Variants in PIK3CD observed in about 807,000 individuals in gnomAD.
PIK3CD encodes phosphatidylinositol-4,5-bisphosphate 3-kinase catalytic subunit delta.
A neutral mutation model predicts 122.9 loss-of-function variants in PIK3CD; 20 were observed. The observed-to-expected ratio is 0.16, with a 90% confidence interval of 0.11 to 0.24. The LOEUF (loss-of-function observed/expected upper bound fraction) is 0.24. Ranked by LOEUF, PIK3CD falls within the 10% of genes least tolerant of loss-of-function variation. The pLI is 1.00. For missense variants in PIK3CD, 787 were observed against 1,406.3 expected (o/e 0.56, Z 7.04); for synonymous variants, 596 against 593.4 (o/e 1.00, Z -0.06).
chr1:9,662,178 T>A (rs1645029128), intron 1 of PIK3CD: 1 of 152,386 alleles, frequency 6.6e-6, no homozygotes, highest in Non-Finnish European at 1.5e-5. Context: ...TTTTTTTTTT[T>A]TGAGAGACAA....
chr1:9,649,661 A>G (rs1283011307), upstream of PIK3CD, among the ~76,000 whole-genome samples: 3 of 152,274 alleles, frequency 2.0e-5, no homozygotes, highest in South Asian at 2.1e-4. Flanking sequence ...CAAGGGACCA[A>G]TAACAGCTGC....
chr1:9,629,963 C>A, the PIK3CD span, among the ~76,000 whole-genome samples: 3 of 152,186 alleles, frequency 2.0e-5, no homozygotes, highest in Non-Finnish European at 2.9e-5. Context: ...GGGAAGGAAG[C>A]CCGGGGGTCA....
chr1:9,724,564 A>T lies in PIK3CD; in HGVS notation c.2864+143A>T. 4 of 1,098,738 alleles carry T rather than the reference A, an allele frequency of 3.6e-6. No homozygotes were observed. Among genetic ancestry groups the T allele is most frequent in the Non-Finnish European group, 5.4e-6 (4 of 739,020 alleles). The allele number at this position is 1,098,738 out of a possible 1,614,324, so 68.1% of individuals were successfully genotyped here. A position where few individuals can be genotyped will look rare whatever the true frequency, so the allele number is the denominator to read the frequency against. On this transcript the variant is annotated intron_variant, in intron 22 of 23. Coordinates refer to ENST00000377346, the MANE Select transcript of PIK3CD (RefSeq NM_005026.5). This position sits in a 1 kb window ranked among gnomAD's most constrained non-coding sequence, Gnocchi z 7.3. ...CACCCCAACTGTTGATGGGTTTGGA[A>T]CATGCCCCTGCTCCACCCTGCAGTG...
the PIK3CD span, among the ~76,000 whole-genome samples, chr1:9,628,659 C>G: frequency 2.0e-5 from 3 of 152,148 alleles, no homozygotes; most frequent in African/African-American, 7.2e-5. Flanking sequence ...CTTCCTCACA[C>G]GGAGGTGGCC....
intron 1 of PIK3CD, chr1:9,681,226 C>T (rs944193791): frequency 1.3e-5 from 2 of 151,956 alleles, no homozygotes; most frequent in East Asian, 3.9e-4. Flanking sequence ...TGTTTCATAA[C>T]CTAATTTTTT....
chr1:9,635,937 C>G, the PIK3CD span, among the ~76,000 whole-genome samples: 2 of 152,220 alleles, frequency 1.3e-5, no homozygotes, highest in African/African-American at 2.4e-5. Flanking sequence ...AAACACTTGC[C>G]CATCCAAGGT....
At chr1:9,661,719 G>A (rs1291258545) in intron 1 of PIK3CD, among the ~76,000 whole-genome samples, 13 of 152,118 alleles carry the variant, frequency 8.5e-5, no homozygotes, top group Non-Finnish European at 1.5e-4. Flanking sequence ...AAAATTGGCC[G>A]GGCGCGGTGG....
the PIK3CD span, among the ~76,000 whole-genome samples, chr1:9,641,559 G>C: frequency 6.6e-6 from 1 of 150,858 alleles, no homozygotes; most frequent in African/African-American, 2.5e-5. Flanking sequence ...TTTCTGGGGA[G>C]CCCCCATCTA....
Position 9,700,979 on chromosome 1 carries a change from G to A in PIK3CD, c.-33+9408G>A, listed in dbSNP as rs565199844. 4.6e-5 allele frequency among the ~76,000 whole-genome samples: 7 copies of A among 152,098 alleles called. No homozygotes were observed. The highest frequency in any genetic ancestry group is 9.6e-5 in the African/African-American group (4 of 41,476). ...TCAAGCCACTGTCATTAGTGGCACC[G>A]GCCTCCTTCCCCTGCCCCCTACTCC... is the stretch of plus-strand genomic sequence containing the variant. On this transcript the variant is annotated intron_variant, in intron 2 of 23. Transcript: ENST00000377346. The surrounding 1 kb of genome is among the most constrained non-coding windows in gnomAD (Gnocchi z 5.1).
rs984368948 is a variant in PIK3CD at position 9,704,321 on chromosome 1, C to T, written c.-32-6103C>T. Among the ~76,000 whole-genome samples the T allele has an allele frequency of 6.6e-6, 1 of 152,154 alleles. No homozygotes were observed. The highest frequency in any genetic ancestry group is 6.6e-5 in the Admixed American group (1 of 15,256). On this transcript the variant is annotated intron_variant, in intron 2 of 23. Transcript: ENST00000377346. This position sits in a 1 kb window ranked among gnomAD's most constrained non-coding sequence, Gnocchi z 5.0. ...GGCAGGAGAGTGAGGGGTGTATTTT[C>T]CTGGAACCCAGGCTGTGGGTTGGAG... is the stretch of plus-strand genomic sequence containing the variant.
At position 9,728,296 on chromosome 1, in the gene PIK3CD, TAAGCCTCCA is replaced by T. The variant is rs1160961282; in HGVS notation, c.*1254_*1262del. 5 of 152,230 alleles carry T rather than the reference TAAGCCTCCA, an allele frequency of 3.3e-5. No individual in the cohort carries two copies. The highest frequency in any genetic ancestry group is 4.8e-5 in the African/African-American group (2 of 41,446). 9.4% of individuals were successfully genotyped at this position (152,230 alleles called of 1,614,324 possible). ...GTTTGAAATGGTGCAGGCTTAGTCTTAAGCCTCCAAAGGCCTGGATTTGAGCAGCTTTAG... is the reference window on the plus strand; with the variant it reads ...GTTTGAAATGGTGCAGGCTTAGTCTTAAGGCCTGGATTTGAGCAGCTTTAG... On this transcript the variant is annotated 3_prime_UTR_variant, in exon 24 of 24. Coordinates refer to ENST00000377346, the MANE Select transcript of PIK3CD (RefSeq NM_005026.5).
intron 2 of PIK3CD, among the ~76,000 whole-genome samples, chr1:9,702,908 C>G (rs1223567488): frequency 1.3e-5 from 2 of 152,116 alleles, no homozygotes; most frequent in Admixed American, 1.3e-4. Context: ...CTGTAAGCGG[C>G]CAAAAACTCA....
chr1:9,711,239 G>A (rs191031705), intron 3 of PIK3CD, among the ~76,000 whole-genome samples: 22 of 151,074 alleles, frequency 1.5e-4, no homozygotes, highest in African/African-American at 3.6e-4. Flanking sequence ...GACTATAGGC[G>A]TGCACCACCA....
At chr1:9,655,076 A>G (rs1040162960) in intron 1 of PIK3CD, among the ~76,000 whole-genome samples, 4 of 151,652 alleles carry the variant, frequency 2.6e-5, no homozygotes, top group Non-Finnish European at 5.9e-5. Flanking sequence ...CAAAAAAAAA[A>G]AAAAGAAAAA....
rs1647252952 is a variant in PIK3CD, at chr1:9,715,332, G to T, written c.142-209G>T. Among the ~76,000 whole-genome samples, 1 of 152,188 alleles carries T rather than the reference G, an allele frequency of 6.6e-6. No individual in the cohort carries two copies. Among genetic ancestry groups the T allele is most frequent in the Admixed American group, 6.5e-5 (1 of 15,282 alleles). On this transcript the variant is annotated intron_variant, in intron 3 of 23. Transcript: ENST00000377346. This position sits in a 1 kb window ranked among gnomAD's most constrained non-coding sequence, Gnocchi z 4.1. ...AGCCCCAGATCCCAGCACCTCCCAG[G>T]TGCCCCCACAGAAGGGCATCAGTGG...
At chr1:9,705,347 A>T (rs1371298198) in intron 2 of PIK3CD, among the ~76,000 whole-genome samples, 1 of 151,266 alleles carries the variant, frequency 6.6e-6, no homozygotes, top group Admixed American at 6.6e-5. Flanking sequence ...AAAAAGGAAA[A>T]AAAAAAGGGT....
chr1:9,726,940 A>T lies in PIK3CD; in HGVS notation c.3029A>T (p.Glu1010Val). ...CTGGCACTGGGGAAAACAGAGGAGG[A>T]GGCACTGAAGCACTTCCGAGTGAAG... ...DSLALGKTEE[E>V]ALKHFRVKFN... Residue 1010 changes from glutamate (E) to valine (V), a missense_variant, in exon 24 of 24, where the codon GAG (glutamate) becomes GTG (valine). This residue lies in a region of PIK3CD where 60 missense variants were observed against 129.5 expected (regional missense o/e 0.46). Coordinates refer to ENST00000377346, the MANE Select transcript of PIK3CD (RefSeq NM_005026.5). 1 of 1,613,888 alleles carries T rather than the reference A, an allele frequency of 6.2e-7. No individual in the cohort carries two copies. Among genetic ancestry groups the T allele is most frequent in the Non-Finnish European group, 8.5e-7 (1 of 1,179,884 alleles).
the PIK3CD span, among the ~76,000 whole-genome samples, chr1:9,629,723 C>T: frequency 6.6e-6 from 1 of 152,046 alleles, no homozygotes; most frequent in Non-Finnish European, 1.5e-5. Flanking sequence ...TAAAACAAAG[C>T]CCCTCGCCAC....
chr1:9,643,452 AAGGGAGGGAGGGAGGGAAGGAAGGG>A, the PIK3CD span, among the ~76,000 whole-genome samples: 1 of 104,062 alleles, frequency 9.6e-6, no homozygotes, highest in African/African-American at 3.8e-5. Context: ...GGAAGGAAGG[AAGGGAGGGAGGGAGGGAAGGAAGGG>A]AGGGAGGGAG....
Sources: allele counts gnomAD v4.1 joint callset (sites outside exome capture counted in the v4.1 genomes callset), GRCh38; gene constraint gnomAD v4.1.1; regional missense constraint gnomAD v4.1.1; non-coding constraint Gnocchi (gnomAD v3.1); transcripts MANE v1.5; gene names NCBI Gene and HGNC (gene_info 2026-07-23, HGNC 2026-07-21).